The following MITF variants were observed in gnomAD, a reference collection of about 807,000 sequenced individuals.
MITF encodes the protein melanocyte inducing transcription factor.
Under a neutral mutation model 60.5 loss-of-function variants are expected in MITF, and 17 were observed. The observed-to-expected ratio is 0.28, with a 90% CI of 0.19 to 0.42. The LOEUF (loss-of-function observed/expected upper bound fraction) is 0.42, where lower values mean the gene tolerates loss of function less well. Among genes scored for constraint, MITF ranks in the 10% least tolerant of loss-of-function variants. The pLI, the probability that MITF is intolerant of heterozygous loss-of-function variation, is 1.00. For synonymous variants in MITF, 260 were observed against 248.5 expected (o/e 1.05, Z -0.43); for missense variants, 622 against 683.5 (o/e 0.91, Z 1.00).
At chr3:69,742,281 A>G (rs190003736) in intron 1 of MITF, among the ~76,000 whole-genome samples, 42 of 152,300 alleles carry the variant, frequency 2.8e-4, no homozygotes, top group Admixed American at 2.7e-3. Context: ...CATATCTAGT[A>G]GGTGGAGGCC....
At chr3:69,948,835 T>G (rs564125920) in intron 5 of MITF, among the ~76,000 whole-genome samples, 1 of 152,202 alleles carries the variant, frequency 6.6e-6, no homozygotes, top group Non-Finnish European at 1.5e-5. Context: ...GACTGTACTT[T>G]CCTGCCTCAA....
At chr3:69,755,107 T>G (rs1385637493) in intron 1 of MITF, among the ~76,000 whole-genome samples, 1 of 152,224 alleles carries the variant, frequency 6.6e-6, no homozygotes, top group African/African-American at 2.4e-5. Flanking sequence ...TTTACAAGCA[T>G]GGTGTTACTT....
rs777543500 is a variant in MITF, at chr3:69,879,131, C to T, written c.105-3C>T. Reference sequence around the variant, plus strand: ...TGTTGTATGCATTTTGGTTTTCCCACAGCAGTTCCGCCGAGCATCCTGGGG... The same window carrying T: ...TGTTGTATGCATTTTGGTTTTCCCATAGCAGTTCCGCCGAGCATCCTGGGG... On this transcript the variant is annotated splice_polypyrimidine_tract_variant and splice_region_variant and intron_variant, in intron 1 of 9. Coordinates refer to ENST00000352241, the MANE Select transcript of MITF (RefSeq NM_001354604.2). The T allele has an allele frequency of 6.2e-7, 1 of 1,614,056 alleles. No homozygotes were observed. The highest frequency in any genetic ancestry group is 1.1e-5 in the South Asian group (1 of 91,066).
intron 2 of MITF, among the ~76,000 whole-genome samples, chr3:69,900,476 C>G (rs2064971498): frequency 6.6e-6 from 1 of 152,086 alleles, no homozygotes; most frequent in Admixed American, 6.6e-5. Flanking sequence ...CCTGTTTAAC[C>G]AAACACCTCC....
chr3:69,958,652 A>G (rs1424195449), intron 8 of MITF, among the ~76,000 whole-genome samples: 1 of 151,924 alleles, frequency 6.6e-6, no homozygotes, highest in Non-Finnish European at 1.5e-5. Context: ...CTGTTTTACC[A>G]TCGTTTATTC....
intron 2 of MITF, among the ~76,000 whole-genome samples, chr3:69,934,345 T>C (rs1032549723): frequency 6.6e-6 from 1 of 152,234 alleles, no homozygotes; most frequent in Admixed American, 6.5e-5. Flanking sequence ...TCTACTAATG[T>C]ATAATCGTGT....
At chr3:69,861,423 A>G (rs1037504805) in intron 1 of MITF, among the ~76,000 whole-genome samples, 3 of 152,244 alleles carry the variant, frequency 2.0e-5, no homozygotes, top group African/African-American at 7.2e-5. Context: ...AAAAGAAAGA[A>G]GCTTGCTTCA....
At chr3:69,764,982 T>C (rs1468117076) in intron 1 of MITF, among the ~76,000 whole-genome samples, 1 of 152,234 alleles carries the variant, frequency 6.6e-6, no homozygotes, top group East Asian at 1.9e-4. Flanking sequence ...GATGGTTCCA[T>C]GAACCTTTTC....
chr3:69,913,670 C>T (rs1477213041), intron 2 of MITF, among the ~76,000 whole-genome samples: 3 of 152,132 alleles, frequency 2.0e-5, no homozygotes, highest in Non-Finnish European at 2.9e-5. Flanking sequence ...TAGCACAGCT[C>T]ATTGGACAGG....
At chr3:69,857,560 C>G (rs985730897) in intron 1 of MITF, among the ~76,000 whole-genome samples, 1 of 151,062 alleles carries the variant, frequency 6.6e-6, no homozygotes, top group Non-Finnish European at 1.5e-5. Context: ...TCTTTCCCAA[C>G]ACGCTAATAA....
intron 2 of MITF, among the ~76,000 whole-genome samples, chr3:69,934,084 G>A (rs911020684): frequency 6.6e-6 from 1 of 152,126 alleles, no homozygotes; most frequent in Non-Finnish European, 1.5e-5. Flanking sequence ...CCACAGTGGG[G>A]AGTGACATTG....
intron 1 of MITF, among the ~76,000 whole-genome samples, chr3:69,785,727 T>C (rs2062638100): frequency 6.6e-6 from 1 of 152,152 alleles, no homozygotes; most frequent in Non-Finnish European, 1.5e-5. Flanking sequence ...AAATACAACC[T>C]GAGAAAGTTC....
intron 2 of MITF, among the ~76,000 whole-genome samples, chr3:69,933,857 A>G (rs1263316078): frequency 1.3e-5 from 2 of 152,168 alleles, no homozygotes; most frequent in African/African-American, 4.8e-5. Context: ...TTCTTTGGCT[A>G]TTTAAAAATT....
At chr3:69,902,683 A>G (rs966707936) in intron 2 of MITF, among the ~76,000 whole-genome samples, 1 of 152,106 alleles carries the variant, frequency 6.6e-6, no homozygotes, top group African/African-American at 2.4e-5. Flanking sequence ...AAAAAATACT[A>G]CTTTTAATTA....
intron 2 of MITF, among the ~76,000 whole-genome samples, chr3:69,898,416 T>G (rs537457094): frequency 6.6e-6 from 1 of 152,266 alleles, no homozygotes; most frequent in East Asian, 1.9e-4. Context: ...GTGATCAAGA[T>G]AGTGAAGTCA....
At chr3:69,811,077 C>T (rs560228124) in intron 1 of MITF, among the ~76,000 whole-genome samples, 48 of 152,128 alleles carry the variant, frequency 3.2e-4, no homozygotes, top group Non-Finnish European at 4.9e-4. Flanking sequence ...TCTGACAACA[C>T]ATTAGAATGA....
intron 6 of MITF, among the ~76,000 whole-genome samples, chr3:69,949,823 A>G (rs1292447417): frequency 6.6e-6 from 1 of 152,174 alleles, no homozygotes; most frequent in South Asian, 2.1e-4. Context: ...CTATATTAGA[A>G]CTGGCATTCT....
At chr3:69,926,171 A>C (rs2065581582) in intron 2 of MITF, among the ~76,000 whole-genome samples, 2 of 152,182 alleles carry the variant, frequency 1.3e-5, no homozygotes, top group Non-Finnish European at 2.9e-5. Flanking sequence ...GTTGTTGGTG[A>C]GGTTAATTCC....
At chr3:69,775,744 A>G (rs1423461371) in intron 1 of MITF, among the ~76,000 whole-genome samples, 2 of 152,170 alleles carry the variant, frequency 1.3e-5, no homozygotes, top group African/African-American at 4.8e-5. Flanking sequence ...TGGCTTGTGT[A>G]ATGGAACTTT....
Sources: gnomAD v4.1 joint callset for allele counts (sites outside exome capture counted in the v4.1 genomes callset) on GRCh38, gnomAD v4.1.1 for gene constraint, MANE v1.5 for transcripts, NCBI Gene and HGNC (gene_info 2026-07-23, HGNC 2026-07-21) for gene names.